The following NR6A1 variants were observed in gnomAD, a reference collection of about 807,000 sequenced individuals.
The protein encoded by NR6A1 is nuclear receptor subfamily 6 group A member 1.
Under a neutral mutation model 59.1 loss-of-function variants are expected in NR6A1, and 7 were observed. The observed-to-expected ratio is 0.12, with a 90% confidence interval of 0.07 to 0.22. The LOEUF is 0.22. Ranked by LOEUF, NR6A1 falls within the 10% of genes least tolerant of loss-of-function variation. NR6A1 has a pLI of 1.00. For synonymous variants in NR6A1, 243 were observed against 236.1 expected (o/e 1.03, Z -0.27); for missense variants, 468 against 611.6 (o/e 0.77, Z 2.48).
intron 2 of NR6A1, among the ~76,000 whole-genome samples, chr9:124,663,064 T>C (rs1342235932): frequency 1.3e-5 from 2 of 152,218 alleles, no homozygotes. Context: ...AAATGATGAA[T>C]TAGGTCTTTT....
At chr9:124,744,703 G>A (rs1406065983) in intron 1 of NR6A1, among the ~76,000 whole-genome samples, 1 of 152,222 alleles carries the variant, frequency 6.6e-6, no homozygotes, top group Non-Finnish European at 1.5e-5. Context: ...GCTACTGAGG[G>A]AAGTGAAGAT....
intron 2 of NR6A1, among the ~76,000 whole-genome samples, chr9:124,691,571 A>G (rs1238065223): frequency 6.6e-6 from 1 of 152,256 alleles, no homozygotes; most frequent in Non-Finnish European, 1.5e-5. Context: ...AGAATCAAAA[A>G]TAACCACTAT....
intron 2 of NR6A1, among the ~76,000 whole-genome samples, chr9:124,613,000 A>G (rs1193010901): frequency 6.6e-6 from 1 of 152,210 alleles, no homozygotes; most frequent in Non-Finnish European, 1.5e-5. Context: ...TGCAGGAGTG[A>G]GAAGATATTC....
intron 2 of NR6A1, among the ~76,000 whole-genome samples, chr9:124,610,910 AAG>A (rs1295541116): frequency 6.6e-6 from 1 of 152,028 alleles, no homozygotes; most frequent in African/African-American, 2.4e-5. Context: ...TGTATTTTTC[AAG>A]AGTTCAATAC....
chr9:124,655,889 A>C (rs1245957491), intron 2 of NR6A1, among the ~76,000 whole-genome samples: 2 of 152,254 alleles, frequency 1.3e-5, no homozygotes, highest in Non-Finnish European at 2.9e-5. Context: ...AAGCTACTTA[A>C]GTGTCCATTG....
At chr9:124,677,592 T>C (rs1182221923) in intron 2 of NR6A1, among the ~76,000 whole-genome samples, 1 of 152,012 alleles carries the variant, frequency 6.6e-6, no homozygotes, top group Non-Finnish European at 1.5e-5. Context: ...ATAATTTACA[T>C]ATGGTAAGGT....
chr9:124,712,701 A>C (rs1177323593), intron 2 of NR6A1, among the ~76,000 whole-genome samples: 1 of 152,190 alleles, frequency 6.6e-6, no homozygotes, highest in African/African-American at 2.4e-5. Context: ...ATCCATTAAC[A>C]AAATATTACC....
chr9:124,648,170 G>C (rs1469809055), intron 2 of NR6A1, among the ~76,000 whole-genome samples: 12 of 151,950 alleles, frequency 7.9e-5, no homozygotes, highest in Non-Finnish European at 1.8e-4. Context: ...CCATAAACAG[G>C]ATATGTTACA....
chr9:124,753,301 T>C (rs1840556295), intron 1 of NR6A1, among the ~76,000 whole-genome samples: 1 of 152,234 alleles, frequency 6.6e-6, no homozygotes, highest in South Asian at 2.1e-4. Context: ...GCATTTAGAA[T>C]TTAACACAAT....
rs781541459 is a variant in NR6A1 at position 124,554,467 on chromosome 9, C to A, written c.246G>T (p.Gly82=). 3.7e-6 allele frequency: 6 copies of A among 1,614,166 alleles called. No homozygotes were observed. Among genetic ancestry groups the A allele is most frequent in the South Asian group, 1.1e-5 (1 of 91,082 alleles). Residue 82 remains glycine (G), a synonymous_variant, in exon 3 of 10, where the codon GGG becomes GGT. Coordinates refer to ENST00000487099, the MANE Select transcript of NR6A1 (RefSeq NM_033334.4). ...TGTTGCAAATGCTCCGCTTGAAAAACCCTTTGCAGCCCTCACAGGAGATGA... is the reference window on the plus strand; with the variant it reads ...TGTTGCAAATGCTCCGCTTGAAAAAACCTTTGCAGCCCTCACAGGAGATGA... ...YGIISCEGCK[G]FFKRSICNKR...
chr9:124,542,709 T>A (rs1422947855), intron 4 of NR6A1, among the ~76,000 whole-genome samples: 5 of 152,290 alleles, frequency 3.3e-5, no homozygotes, highest in Admixed American at 2.6e-4. Flanking sequence ...CAATAATAGT[T>A]TTTTAAAATT....
intron 2 of NR6A1, among the ~76,000 whole-genome samples, chr9:124,587,807 T>A (rs1286963107): frequency 6.6e-6 from 1 of 152,262 alleles, no homozygotes; most frequent in Non-Finnish European, 1.5e-5. Context: ...TACATTCACA[T>A]GACTTTACTA....
chr9:124,752,803 C>T (rs1392008621), intron 1 of NR6A1, among the ~76,000 whole-genome samples: 4 of 149,874 alleles, frequency 2.7e-5, no homozygotes, highest in Non-Finnish European at 5.9e-5. Flanking sequence ...TCCTATCTCA[C>T]AGCAGTTAAA....
chr9:124,687,371 C>T (rs1227455911), intron 2 of NR6A1, among the ~76,000 whole-genome samples: 3 of 151,544 alleles, frequency 2.0e-5, no homozygotes, highest in African/African-American at 4.9e-5. Flanking sequence ...AAACTCCTGG[C>T]CTCAAGTGAT....
intron 2 of NR6A1, among the ~76,000 whole-genome samples, chr9:124,626,969 C>T (rs1230080287): frequency 6.6e-6 from 1 of 152,090 alleles, no homozygotes; most frequent in Admixed American, 6.6e-5. Flanking sequence ...GGACAAAAGA[C>T]TACTGAGAAG....
At chr9:124,752,608 C>T (rs1024834051) in intron 1 of NR6A1, among the ~76,000 whole-genome samples, 1 of 152,058 alleles carries the variant, frequency 6.6e-6, no homozygotes, top group Non-Finnish European at 1.5e-5. Flanking sequence ...GCTCACTTTT[C>T]CAACATTATC....
At chr9:124,695,733 AG>A (rs1838734588) in intron 2 of NR6A1, among the ~76,000 whole-genome samples, 1 of 152,176 alleles carries the variant, frequency 6.6e-6, no homozygotes, top group Admixed American at 6.6e-5. Flanking sequence ...TACTCCACGC[AG>A]TCTTGTTTTT....
intron 2 of NR6A1, among the ~76,000 whole-genome samples, chr9:124,573,093 C>A (rs556371156): frequency 6.6e-6 from 1 of 152,072 alleles, no homozygotes; most frequent in Non-Finnish European, 1.5e-5. Flanking sequence ...ATCTTCACAG[C>A]GACAATGGGG....
At chr9:124,678,421 T>C (rs1219711373) in intron 2 of NR6A1, among the ~76,000 whole-genome samples, 1 of 152,236 alleles carries the variant, frequency 6.6e-6, no homozygotes. Context: ...TTTAGCAATG[T>C]GCACCACTGT....
Sources: allele counts gnomAD v4.1 joint callset (sites outside exome capture counted in the v4.1 genomes callset), GRCh38; gene constraint gnomAD v4.1.1; transcripts MANE v1.5; gene names NCBI Gene and HGNC (gene_info 2026-07-23, HGNC 2026-07-21).